XXYLT1: variants seen among roughly 807,000 people sequenced by gnomAD.
XXYLT1 encodes the protein xyloside xylosyltransferase 1, also known as UDP-xylose:alpha-xyloside alpha-1,3-xylosyltransferase.
XXYLT1 carries 20 observed loss-of-function variants against 28.9 expected under a neutral mutation model. The observed-to-expected ratio is 0.69, with a 90% CI of 0.49 to 1.00. XXYLT1 has a LOEUF of 1.00. Among genes scored for constraint, XXYLT1 ranks in the 50% least tolerant of loss-of-function variants. The pLI, the probability that XXYLT1 is intolerant of heterozygous loss-of-function variation, is 0.00. For synonymous variants in XXYLT1, 257 were observed against 253.8 expected (o/e 1.01, Z -0.12); for missense variants, 542 against 560.1 (o/e 0.97, Z 0.33).
chr3:195,124,811 C>T lies in XXYLT1; in HGVS notation c.785+31638G>A, dbSNP rs904154080. 7.2e-5 allele frequency among the ~76,000 whole-genome samples: 11 copies of T among 152,128 alleles called. No individual in the cohort carries two copies. Among genetic ancestry groups the T allele is most frequent in the African/African-American group, 2.2e-4 (9 of 41,426 alleles). On this transcript the variant is annotated intron_variant, in intron 3 of 3. Transcript: ENST00000310380. The surrounding 1 kb of genome is among the most constrained non-coding windows in gnomAD (Gnocchi z 4.1). The stretch of plus-strand genomic sequence containing the variant: ...ACTCCCACTAGAGCCAAGCAGCGTA[C>T]GGACAGGGGCTGGCTCCGGGAAGGC...
chr3:195,160,802 C>T (rs944766556), intron 2 of XXYLT1, among the ~76,000 whole-genome samples: 3 of 152,206 alleles, frequency 2.0e-5, no homozygotes, highest in African/African-American at 7.2e-5. Flanking sequence ...AGGGTCCGCC[C>T]CGCGACGCAC....
chr3:195,214,523 G>A lies in XXYLT1; in HGVS notation c.652+12186C>T, dbSNP rs566736002. Among the ~76,000 whole-genome samples, 16 of 152,220 alleles carry A rather than the reference G, an allele frequency of 1.1e-4. No homozygotes were observed. In the East Asian group the frequency reaches 2.3e-3, roughly 22 times the overall value. ...CTAACTATGGGAACCAGCATGCACC[G>A]TCAGCCCCTTTCAGTCAGGATCTCA... is the stretch of plus-strand genomic sequence containing the variant. On this transcript the variant is annotated intron_variant, in intron 2 of 3. Transcript: ENST00000310380.
chr3:195,172,190 AAGAC>A (rs2108717887), intron 2 of XXYLT1, among the ~76,000 whole-genome samples: 1 of 152,358 alleles, frequency 6.6e-6, no homozygotes, highest in South Asian at 2.1e-4. Context: ...TTTCTGCTCC[AAGAC>A]AGACAGAGCC....
intron 2 of XXYLT1, among the ~76,000 whole-genome samples, chr3:195,187,525 C>T (rs995631110): frequency 6.6e-6 from 1 of 152,156 alleles, no homozygotes; most frequent in African/African-American, 2.4e-5. Flanking sequence ...GTCAATCAAT[C>T]AGACAGGCAA....
chr3:195,250,846 C>T (rs1197360209), intron 1 of XXYLT1, among the ~76,000 whole-genome samples: 1 of 152,206 alleles, frequency 6.6e-6, no homozygotes, highest in Non-Finnish European at 1.5e-5. Context: ...TTCATTGATA[C>T]ACCCAAGTTC....
intron 1 of XXYLT1, chr3:195,259,496 G>T: frequency 1.2e-6 from 1 of 842,090 alleles, no homozygotes; most frequent in Non-Finnish European, 1.4e-6. Flanking sequence ...CAGCAGGGAG[G>T]CCTTCGGGCC....
At chr3:195,088,740 G>A (rs1224691655) in intron 3 of XXYLT1, among the ~76,000 whole-genome samples, 1 of 140,690 alleles carries the variant, frequency 7.1e-6, no homozygotes, top group Non-Finnish European at 1.5e-5. Context: ...GCTACGGGAG[G>A]ACATTCAAAC....
chr3:195,158,494 T>C (rs997538954), intron 2 of XXYLT1, among the ~76,000 whole-genome samples: 4 of 152,250 alleles, frequency 2.6e-5, no homozygotes, highest in African/African-American at 4.8e-5. Context: ...AGAAAGGTCC[T>C]ATGTAGGCCT....
At chr3:195,204,687 A>G (rs1468700865) in intron 2 of XXYLT1, among the ~76,000 whole-genome samples, 1 of 152,174 alleles carries the variant, frequency 6.6e-6, no homozygotes, top group Non-Finnish European at 1.5e-5. Flanking sequence ...CACTACCCAC[A>G]ACCCGCAATG....
chr3:195,140,622 T>A (rs1176854349), intron 3 of XXYLT1, among the ~76,000 whole-genome samples: 1 of 151,722 alleles, frequency 6.6e-6, no homozygotes, highest in Admixed American at 6.6e-5. Context: ...CATCTGCACA[T>A]GGCAGCAGGA....
chr3:195,232,898 C>A (rs1215587636), intron 1 of XXYLT1, among the ~76,000 whole-genome samples: 1 of 152,144 alleles, frequency 6.6e-6, no homozygotes, highest in Non-Finnish European at 1.5e-5. Context: ...AGGTCCATTT[C>A]GTCTATGGTG....
At chr3:195,098,470 G>A (rs992377112) in intron 3 of XXYLT1, among the ~76,000 whole-genome samples, 4 of 152,322 alleles carry the variant, frequency 2.6e-5, no homozygotes, top group East Asian at 1.9e-4. Flanking sequence ...GGAGAATGGC[G>A]TGAACCCGGG....
intron 3 of XXYLT1, among the ~76,000 whole-genome samples, chr3:195,088,951 T>C (rs1202432627): frequency 1.3e-5 from 2 of 151,546 alleles, no homozygotes; most frequent in African/African-American, 4.9e-5. Flanking sequence ...ATGAATGAAA[T>C]GAAGCAAGAA....
rs1560121827 is a variant in XXYLT1, at chr3:195,150,840, T to TCC, written c.785+5608_785+5609insGG. Among the ~76,000 whole-genome samples, 195 of 104,648 alleles carry TCC rather than the reference T, an allele frequency of 1.9e-3. 1 individual carries two copies. Among genetic ancestry groups the TCC allele is most frequent in the African/African-American group, 7.1e-3 (158 of 22,386 alleles). 68.7% of individuals were successfully genotyped at this position (104,648 alleles called of 152,430 possible). ...CACACACACTCACACATACGCACAC[T>TCC]CTCTCACACACTCTCACACACACAC... On this transcript the variant is annotated intron_variant, in intron 3 of 3. Transcript: ENST00000310380. This position sits in a 1 kb window ranked among gnomAD's most constrained non-coding sequence, Gnocchi z 4.7.
intron 3 of XXYLT1, among the ~76,000 whole-genome samples, chr3:195,085,076 G>C (rs1482198282): frequency 6.6e-6 from 1 of 152,234 alleles, no homozygotes. Flanking sequence ...CTTCTCCCAA[G>C]CAAGGATGAC....
chr3:195,099,312 A>G (rs55989369), intron 3 of XXYLT1, among the ~76,000 whole-genome samples: 20,655 of 152,166 alleles, frequency 0.14, 3,165 homozygotes, highest in African/African-American at 0.38. Flanking sequence ...CTGGACAGCC[A>G]TGATCTGTGT....
chr3:195,249,561 G>A lies in XXYLT1; in HGVS notation c.504+20994C>T, dbSNP rs139860446. The stretch of plus-strand genomic sequence containing the variant: ...CATGCCCCGTGGAAAGGAGGCAGTC[G>A]TGGCCAGAGAGGGGAAGGTCCCTGC... On this transcript the variant is annotated intron_variant, in intron 1 of 3. Transcript: ENST00000310380. Among the ~76,000 whole-genome samples the A allele has an allele frequency of 5.6e-3, 853 of 152,310 alleles. 5 individuals are homozygous for A. Among genetic ancestry groups the A allele is most frequent in the African/African-American group, 0.019 (808 of 41,572 alleles).
intron 3 of XXYLT1, among the ~76,000 whole-genome samples, chr3:195,096,273 C>T (rs1457413598): frequency 6.6e-6 from 1 of 152,206 alleles, no homozygotes; most frequent in African/African-American, 2.4e-5. Flanking sequence ...AGCCCATGCA[C>T]AGCAGGAGGA....
At chr3:195,220,435 C>T (rs757087854) in intron 2 of XXYLT1, among the ~76,000 whole-genome samples, 19 of 152,206 alleles carry the variant, frequency 1.2e-4, no homozygotes, top group Non-Finnish European at 2.5e-4. Flanking sequence ...TGAGCCACCT[C>T]GCCCGGCCGG....
Sources: allele counts gnomAD v4.1 joint callset (sites outside exome capture counted in the v4.1 genomes callset), GRCh38; gene constraint gnomAD v4.1.1; non-coding constraint Gnocchi (gnomAD v3.1); transcripts MANE v1.5; gene names NCBI Gene and HGNC (gene_info 2026-07-23, HGNC 2026-07-21).